Variants in PHLDB2 observed in about 807,000 individuals in gnomAD.
PHLDB2 encodes the protein pleckstrin homology like domain family B member 2.
Under a neutral mutation model 123.6 loss-of-function variants are expected in PHLDB2, and 71 were observed. The observed-to-expected ratio is 0.57, with a 90% confidence interval of 0.47 to 0.70. The LOEUF is 0.70. PHLDB2 is among the 30% of genes least tolerant of loss of function. The pLI is 0.00. For synonymous variants in PHLDB2, 547 were observed against 541.6 expected (o/e 1.01, Z -0.14); for missense variants, 1,446 against 1,519.5 (o/e 0.95, Z 0.80).
chr3:111,898,688 A>G (rs1297552548), intron 2 of PHLDB2, among the ~76,000 whole-genome samples: 1 of 152,212 alleles, frequency 6.6e-6, no homozygotes, highest in Non-Finnish European at 1.5e-5. Context: ...CTTTGTTGTC[A>G]TTTCAAAAAC....
chr3:111,779,927 A>T (rs2060340722), intron 1 of PHLDB2: 1 of 911,534 alleles, frequency 1.1e-6, no homozygotes, highest in Non-Finnish European at 1.3e-6. Context: ...ACACTTGGCT[A>T]TTTATCACCC....
intron 1 of PHLDB2, among the ~76,000 whole-genome samples, chr3:111,830,093 TA>T (rs2062871473): frequency 6.6e-6 from 1 of 152,136 alleles, no homozygotes. Context: ...CCAACTATAG[TA>T]AATGATGCAT....
rs114274793 is a variant in PHLDB2 at position 111,976,271 on chromosome 3, A to G, written c.*1708A>G. 65 of 152,348 alleles carry G rather than the reference A, an allele frequency of 4.3e-4. No homozygotes were observed. Among genetic ancestry groups the G allele is most frequent in the African/African-American group, 1.5e-3 (64 of 41,590 alleles). 9.4% of individuals were successfully genotyped at this position (152,348 alleles called of 1,614,324 possible). A position where few individuals can be genotyped will look rare whatever the true frequency, so the allele number is the denominator to read the frequency against. ...TGATTTCACATTTGAAAATAAACTC[A>G]TCTCTTATTTTGAAGTTACCTATCT... On this transcript the variant is annotated 3_prime_UTR_variant, in exon 18 of 18. Coordinates refer to ENST00000431670, the MANE Select transcript of PHLDB2 (RefSeq NM_001134438.2).
In PHLDB2 at chr3:111,884,588, A is replaced by C; in HGVS notation, c.511A>C (p.Lys171Gln). The C allele has an allele frequency of 5.6e-6, 9 of 1,614,120 alleles. No individual in the cohort carries two copies. The highest frequency in any genetic ancestry group is 7.6e-6 in the Non-Finnish European group (9 of 1,180,026). ...VYSLGGLEGRKASGSLLAMWN... is the reference protein window; with the variant it reads ...VYSLGGLEGRQASGSLLAMWN... ...CTCTCTTGGAGGGCTGGAAGGTCGGAAGGCATCTGGCTCGCTCCTGGCCAT... is the reference window on the plus strand; with the variant it reads ...CTCTCTTGGAGGGCTGGAAGGTCGGCAGGCATCTGGCTCGCTCCTGGCCAT... Residue 171 changes from lysine to glutamine, a missense_variant, in exon 2 of 18, where the codon AAG (lysine) becomes CAG (glutamine). By Grantham distance (53) the Lys-to-Gln change is moderately conservative (BLOSUM62 1). Coordinates refer to ENST00000431670, the MANE Select transcript of PHLDB2 (RefSeq NM_001134438.2).
At chr3:111,920,054 A>G (rs996938536) in intron 4 of PHLDB2, among the ~76,000 whole-genome samples, 2 of 152,248 alleles carry the variant, frequency 1.3e-5, no homozygotes, top group Non-Finnish European at 2.9e-5. Flanking sequence ...AGAAAAGTTA[A>G]GTGATAAGAT....
At chr3:111,844,083 T>C (rs533273947) in intron 1 of PHLDB2, among the ~76,000 whole-genome samples, 1 of 152,316 alleles carries the variant, frequency 6.6e-6, no homozygotes, top group East Asian at 1.9e-4. Context: ...AAAGAGCTTA[T>C]TCTAGTCAAG....
intron 16 of PHLDB2, 147 bp downstream of exon 16, chr3:111,970,056 A>AT (rs774549923): frequency 1.4e-6 from 1 of 699,152 alleles, no homozygotes; most frequent in Non-Finnish European, 2.4e-6. Flanking sequence ...ACATTATTTT[A>AT]TATTTAGATT....
intron 1 of PHLDB2, among the ~76,000 whole-genome samples, chr3:111,809,967 C>T (rs1425524397): frequency 6.6e-6 from 1 of 152,186 alleles, no homozygotes; most frequent in Non-Finnish European, 1.5e-5. Context: ...GCTGGGACTA[C>T]AGGCATGCAT....
chr3:111,945,438 A>G (rs2070233569), intron 9 of PHLDB2, 81 bp downstream of exon 9: 1 of 1,082,388 alleles, frequency 9.2e-7, no homozygotes, highest in Non-Finnish European at 1.4e-6. Context: ...TTAGCTGAAT[A>G]ATAAAAATAT....
intron 14 of PHLDB2, 58 bp downstream of exon 14, chr3:111,966,761 C>A: frequency 1.5e-6 from 2 of 1,374,450 alleles, no homozygotes; most frequent in Non-Finnish European, 2.1e-6. Flanking sequence ...GAGCCCTGCG[C>A]TTGGCATCAG....
intron 1 of PHLDB2, among the ~76,000 whole-genome samples, chr3:111,790,522 T>C (rs907537219): frequency 1.3e-5 from 2 of 152,218 alleles, no homozygotes; most frequent in African/African-American, 4.8e-5. Flanking sequence ...TGCTGAATTA[T>C]TGCAACTCAG....
At chr3:111,836,564 T>C (rs2063408483) in intron 1 of PHLDB2, among the ~76,000 whole-genome samples, 1 of 152,130 alleles carries the variant, frequency 6.6e-6, no homozygotes, top group Non-Finnish European at 1.5e-5. Context: ...GCTTTGGCTT[T>C]GAATAAGATT....
chr3:111,809,123 CTTAG>C (rs2061722466), intron 1 of PHLDB2, among the ~76,000 whole-genome samples: 1 of 152,104 alleles, frequency 6.6e-6, no homozygotes, highest in Non-Finnish European at 1.5e-5. Context: ...CTCACAAAAC[CTTAG>C]TTAATTGATT....
chr3:111,861,657 G>A (rs567620302), intron 1 of PHLDB2, among the ~76,000 whole-genome samples: 1 of 152,320 alleles, frequency 6.6e-6, no homozygotes, highest in East Asian at 1.9e-4. Context: ...TTTGAAAAGG[G>A]GAGGAAAAGA....
intron 1 of PHLDB2, among the ~76,000 whole-genome samples, chr3:111,820,717 T>C (rs9851613): frequency 6.6e-6 from 1 of 152,012 alleles, no homozygotes; most frequent in African/African-American, 2.4e-5. Flanking sequence ...ATTCTCCAGT[T>C]TGTGGTCAAG....
chr3:111,869,008 A>G (rs1479232946), intron 1 of PHLDB2, among the ~76,000 whole-genome samples: 2 of 152,236 alleles, frequency 1.3e-5, no homozygotes, highest in East Asian at 1.9e-4. Flanking sequence ...TAAGAGACCT[A>G]TAAGATTTCT....
upstream of PHLDB2, among the ~76,000 whole-genome samples, chr3:111,858,378 G>T (rs1174022550): frequency 6.6e-6 from 1 of 151,900 alleles, no homozygotes; most frequent in Non-Finnish European, 1.5e-5. Context: ...CTAGATGAAG[G>T]GTTGATGGGT....
intron 1 of PHLDB2, among the ~76,000 whole-genome samples, chr3:111,801,018 A>G (rs1237978896): frequency 1.3e-5 from 2 of 152,200 alleles, no homozygotes; most frequent in Non-Finnish European, 2.9e-5. Flanking sequence ...CTTAAATAAT[A>G]TTAAATGTAA....
At chr3:111,783,517 C>T (rs1196142553) in intron 1 of PHLDB2, among the ~76,000 whole-genome samples, 1 of 151,882 alleles carries the variant, frequency 6.6e-6, no homozygotes, top group Admixed American at 6.6e-5. Context: ...CAAGACAAAA[C>T]AAAAACTCAT....
Sources: gnomAD v4.1 joint callset for allele counts (sites outside exome capture counted in the v4.1 genomes callset) on GRCh38, gnomAD v4.1.1 for gene constraint, MANE v1.5 for transcripts, NCBI Gene and HGNC (gene_info 2026-07-23, HGNC 2026-07-21) for gene names.